The following EGFLAM variants were observed in gnomAD, a reference collection of about 807,000 sequenced individuals.
EGFLAM encodes pikachurin.
A neutral mutation model predicts 113.1 loss-of-function variants in EGFLAM; 79 were observed. The observed-to-expected ratio is 0.70, with a 90% CI of 0.58 to 0.84. EGFLAM has a LOEUF of 0.84. Ranked by LOEUF, EGFLAM falls within the 40% of genes least tolerant of loss-of-function variation. The probability of loss-of-function intolerance (pLI) is 0.00; values close to 1 mark genes in which losing one functional copy is unlikely to be tolerated. For missense variants in EGFLAM, 1,265 were observed against 1,291.6 expected, an observed-to-expected ratio of 0.98 and a Z score of 0.32; for synonymous variants, 504 against 487.6, an observed-to-expected ratio of 1.03 and a Z score of -0.44.
chr5:38,438,423 C>T lies in EGFLAM; in HGVS notation c.2432C>T (p.Pro811Leu). 6.2e-7 allele frequency: 1 copy of T among 1,612,506 alleles called. No individual in the cohort carries two copies. Among genetic ancestry groups the T allele is most frequent in the Non-Finnish European group, 8.5e-7 (1 of 1,179,102 alleles). The change falls in exon 17 of 22, where the codon CCC becomes CTC. Residue 811 changes from proline to leucine, a missense_variant. Transcript: ENST00000322350. ...PRKEGYDCDC[P>L]LGFEGLHCQK... ...AAGGAGGGCTATGACTGTGACTGCC[C>T]CTTGGGCTTTGAGGGGCTTCACTGC...
At chr5:38,264,490 T>C (rs1042789814) in intron 1 of EGFLAM, among the ~76,000 whole-genome samples, 9 of 152,222 alleles carry the variant, frequency 5.9e-5, no homozygotes, top group African/African-American at 2.2e-4. Flanking sequence ...TAGAGATACA[T>C]GCACCTCTAG....
At chr5:38,354,924 G>A (rs1468076383) in intron 5 of EGFLAM, among the ~76,000 whole-genome samples, 1 of 152,190 alleles carries the variant, frequency 6.6e-6, no homozygotes, top group East Asian at 1.9e-4. Flanking sequence ...GAAGATGAAA[G>A]AGTCACTGGA....
At chr5:38,368,538 T>A (rs1740123159) in intron 5 of EGFLAM, among the ~76,000 whole-genome samples, 5 of 152,204 alleles carry the variant, frequency 3.3e-5, no homozygotes, top group African/African-American at 1.2e-4. Context: ...CCCCGGCATC[T>A]TCTTTTAGCA....
In EGFLAM at chr5:38,305,098, C is replaced by T. The variant is rs147083366; in HGVS notation, c.98-32422C>T. On this transcript the variant is annotated intron_variant, in intron 1 of 21. Coordinates refer to ENST00000322350, the MANE Select transcript of EGFLAM (RefSeq NM_152403.4). Reference sequence around the variant, plus strand: ...TTCAGGACATAAACTGTACAAATAACAGGCATTCTACAAAGGAAGAAAAGA... The same window carrying T: ...TTCAGGACATAAACTGTACAAATAATAGGCATTCTACAAAGGAAGAAAAGA... Among the ~76,000 whole-genome samples the T allele has an allele frequency of 2.7e-3, 403 of 152,046 alleles. 2 individuals are homozygous for T. The highest frequency in any genetic ancestry group is 9.6e-3 in the African/African-American group (398 of 41,500).
Position 38,438,280 on chromosome 5 carries a change from C to A in EGFLAM, c.2289C>A (p.Ile763=). The change falls in exon 17 of 22, where the codon ATC becomes ATA. Residue 763 remains isoleucine, a synonymous_variant. Coordinates refer to ENST00000322350, the MANE Select transcript of EGFLAM (RefSeq NM_152403.4). ...TTATGTTTTTCTCTCTCAAGATCAT[C>A]CTGAATGACCGAACCATCCATGTGA... The part of the protein sequence containing the change: ...KPFSGSIQKI[I]LNDRTIHVKH... The A allele has an allele frequency of 6.2e-7, 1 of 1,612,464 alleles. No individual in the cohort carries two copies. Among genetic ancestry groups the A allele is most frequent in the Non-Finnish European group, 8.5e-7 (1 of 1,179,074 alleles).
chr5:38,326,819 G>A (rs1738897956), intron 1 of EGFLAM, among the ~76,000 whole-genome samples: 1 of 125,012 alleles, frequency 8.0e-6, no homozygotes, highest in African/African-American at 3.0e-5. Context: ...TTTTTTTTGA[G>A]ACAGAGTTTT....
chr5:38,405,404 C>A (rs570469308), intron 6 of EGFLAM, among the ~76,000 whole-genome samples: 11 of 151,718 alleles, frequency 7.3e-5, no homozygotes, highest in Non-Finnish European at 1.5e-4. Flanking sequence ...GTTTTGTTTG[C>A]TGTTGTCTTT....
intron 1 of EGFLAM, among the ~76,000 whole-genome samples, chr5:38,294,714 A>G (rs752149962): frequency 5.3e-5 from 8 of 152,230 alleles, no homozygotes; most frequent in Non-Finnish European, 7.3e-5. Context: ...TTCTAGCTAT[A>G]AATTTACCAT....
chr5:38,450,716 G>C (rs975909240), intron 18 of EGFLAM, among the ~76,000 whole-genome samples: 4 of 152,186 alleles, frequency 2.6e-5, no homozygotes. Context: ...ATAGAGCATG[G>C]AGCTGGCCTA....
intron 1 of EGFLAM, among the ~76,000 whole-genome samples, chr5:38,333,390 A>G (rs1739099800): frequency 6.6e-6 from 1 of 152,180 alleles, no homozygotes; most frequent in African/African-American, 2.4e-5. Flanking sequence ...GCTTTTCACA[A>G]TGATTAAGCT....
intron 16 of EGFLAM, among the ~76,000 whole-genome samples, chr5:38,437,940 A>G (rs921449951): frequency 7.2e-5 from 11 of 152,124 alleles, no homozygotes; most frequent in Non-Finnish European, 1.5e-4. Flanking sequence ...CCTGGCCAAC[A>G]TGGTGAAACC....
intron 17 of EGFLAM, among the ~76,000 whole-genome samples, chr5:38,446,130 A>T (rs1322569320): frequency 6.6e-6 from 1 of 150,698 alleles, no homozygotes; most frequent in Non-Finnish European, 1.5e-5. Flanking sequence ...CTCAGCTTGG[A>T]TCTTCTCTCC....
chr5:38,305,869 C>A (rs559474034), intron 1 of EGFLAM, among the ~76,000 whole-genome samples: 3 of 152,278 alleles, frequency 2.0e-5, no homozygotes, highest in Admixed American at 1.3e-4. Flanking sequence ...GACAGACATT[C>A]ATTAGGTGTG....
chr5:38,396,726 C>T (rs888530956), intron 6 of EGFLAM, among the ~76,000 whole-genome samples: 3 of 152,252 alleles, frequency 2.0e-5, no homozygotes, highest in African/African-American at 7.2e-5. Context: ...ATTCTCTAAA[C>T]TTACAGAGGC....
chr5:38,415,206 T>C (rs964887918), intron 11 of EGFLAM, among the ~76,000 whole-genome samples: 1 of 150,604 alleles, frequency 6.6e-6, no homozygotes, highest in African/African-American at 2.4e-5. Context: ...ACTAAAAATA[T>C]AAAAAAATTA....
At chr5:38,361,631 A>G (rs113805078) in intron 5 of EGFLAM, among the ~76,000 whole-genome samples, 1,895 of 152,266 alleles carry the variant, frequency 0.012, 44 homozygotes, top group African/African-American at 0.044. Context: ...TAAAAAAAAA[A>G]AATCACCTCA....
At chr5:38,423,205 C>T (rs868297008) in intron 12 of EGFLAM, among the ~76,000 whole-genome samples, 1 of 152,144 alleles carries the variant, frequency 6.6e-6, no homozygotes, top group Non-Finnish European at 1.5e-5. Context: ...AGTGTTCTTG[C>T]CTTTCAGCCT....
At chr5:38,283,320 G>T (rs1201705152) in intron 1 of EGFLAM, among the ~76,000 whole-genome samples, 1 of 152,082 alleles carries the variant, frequency 6.6e-6, no homozygotes, top group Non-Finnish European at 1.5e-5. Flanking sequence ...CTGAGAAGAA[G>T]ACCGGTAGGA....
In EGFLAM at chr5:38,407,813, A is replaced by G; in HGVS notation, c.1156A>G (p.Ile386Val). The G allele has an allele frequency of 1.5e-5, 24 of 1,610,172 alleles. No individual in the cohort carries two copies. The highest frequency in any genetic ancestry group is 2.0e-5 in the Non-Finnish European group (23 of 1,177,148). The part of the protein sequence containing the change: ...GGESCSEDIV[I>V]QYPQFFGHSY... ...TCTTTTTTCTTCTTCAGATATTGTT[A>G]TCCAGTATCCTCAGTTCTTTGGCCA... The change falls in exon 9 of 22, where the codon ATC becomes GTC. Residue 386 changes from isoleucine (I) to valine (V), a missense_variant. By Grantham distance (29) the Ile-to-Val change is conservative. Coordinates refer to ENST00000322350, the MANE Select transcript of EGFLAM (RefSeq NM_152403.4).
Sources: allele counts gnomAD v4.1 joint callset (sites outside exome capture counted in the v4.1 genomes callset), GRCh38; gene constraint gnomAD v4.1.1; transcripts MANE v1.5; gene names NCBI Gene and HGNC (gene_info 2026-07-23, HGNC 2026-07-21).